The following SLC30A3 variants were observed in gnomAD, a reference collection of about 807,000 sequenced individuals.
The protein encoded by SLC30A3 is probable proton-coupled zinc antiporter SLC30A3.
In SLC30A3, 20 loss-of-function variants were observed where a neutral mutation model predicts 35.6. The observed-to-expected ratio is 0.56, with a 90% CI of 0.39 to 0.82. The LOEUF is 0.82. Ranked by LOEUF, SLC30A3 falls within the 40% of genes least tolerant of loss-of-function variation. The pLI is 0.00. For missense variants in SLC30A3, 401 were observed against 530.6 expected, an observed-to-expected ratio of 0.76 and a Z score of 2.40; for synonymous variants, 217 against 224.7, an observed-to-expected ratio of 0.97 and a Z score of 0.31.
At chr2:27,256,335 TG>T (rs777700583) in intron 7 of SLC30A3, 50 bp downstream of exon 7, 1 of 1,601,136 alleles carries the variant, frequency 6.2e-7, no homozygotes, top group Non-Finnish European at 8.6e-7. Context: ...GTCCCATGTT[TG>T]GGGTGGGGTA....
rs759076673 is a variant in SLC30A3 at position 27,257,292 on chromosome 2, C to T, written c.639G>A (p.Glu213=). Residue 213 remains glutamate, a synonymous_variant, in exon 5 of 8, where the codon GAG becomes GAA. Coordinates refer to ENST00000233535, the MANE Select transcript of SLC30A3 (RefSeq NM_003459.5). The surrounding 1 kb of genome is among the most constrained non-coding windows in gnomAD (Gnocchi z 4.7). ...PPHSHGSRGA[E]YAPLEEGPEE... is the part of the protein sequence containing the mutation. Reference sequence around the variant, plus strand: ...CAGGCCCCTCCTCCAGCGGTGCATACTCTGCTCCCCTAGACCCGTGGCTGT... The same window carrying T: ...CAGGCCCCTCCTCCAGCGGTGCATATTCTGCTCCCCTAGACCCGTGGCTGT... 2.5e-6 allele frequency: 4 copies of T among 1,613,856 alleles called. No individual in the cohort carries two copies. The highest frequency in any genetic ancestry group is 2.7e-5 in the African/African-American group (2 of 74,906).
chr2:27,257,796 G>T lies in SLC30A3; in HGVS notation c.578+109C>A. On this transcript the variant is annotated intron_variant, in intron 4 of 7. Transcript: ENST00000233535. This position sits in a 1 kb window ranked among gnomAD's most constrained non-coding sequence, Gnocchi z 4.7. ...CGCAGGGCAGCCCATGGAGAGCTGT[G>T]TGTGCGTGTCTGTGTGTCTGGTGGG... The T allele has an allele frequency of 9.0e-7, 1 of 1,109,374 alleles. No homozygotes were observed. Among genetic ancestry groups the T allele is most frequent in the Non-Finnish European group, 1.3e-6 (1 of 762,864 alleles). 68.7% of individuals were successfully genotyped at this position (1,109,374 alleles called of 1,614,324 possible). A position where few individuals can be genotyped will look rare whatever the true frequency, so the allele number is the denominator to read the frequency against.
At chr2:27,275,323 G>T (rs1312703919) in exon 1 of SLC30A3, 3 of 792,300 alleles carry the variant, frequency 3.8e-6, no homozygotes, top group Non-Finnish European at 5.7e-6. Flanking sequence ...CGCTGCCTTG[G>T]GCCGCAGGCC....
Position 27,268,298 on chromosome 2 carries a change from C to T in SLC30A3, c.-158-4216G>A, listed in dbSNP as rs189613650. On this transcript the variant is annotated intron_variant, in intron 1 of 5. Coordinates refer to the SLC30A3 transcript ENST00000424577. Reference sequence around the variant, plus strand: ...AGAGTTTGACCACTTATCATTGTATCCAAGGTACTAGGCATATATCAGTGC... The same window carrying T: ...AGAGTTTGACCACTTATCATTGTATTCAAGGTACTAGGCATATATCAGTGC... Among the ~76,000 whole-genome samples, 4 of 152,142 alleles carry T rather than the reference C, an allele frequency of 2.6e-5. No homozygotes were observed. In the East Asian group the frequency reaches 7.7e-4, roughly 29 times the overall value.
intron 1 of SLC30A3, among the ~76,000 whole-genome samples, chr2:27,270,756 T>TC (rs1677696890): frequency 6.6e-6 from 1 of 152,156 alleles, no homozygotes; most frequent in South Asian, 2.1e-4. Flanking sequence ...CAGTCTCCTT[T>TC]CTAGCTGAAA....
chr2:27,255,592 A>G lies in SLC30A3; in HGVS notation c.1019-132T>C. On this transcript the variant is annotated intron_variant, in intron 7 of 7. Coordinates refer to ENST00000233535, the MANE Select transcript of SLC30A3 (RefSeq NM_003459.5). The surrounding 1 kb of genome is among the most constrained non-coding windows in gnomAD (Gnocchi z 5.2). ...AATGGAAGCCTGCTTTTCTTTCTGT[A>G]TTGTATGAACAGCATAAAAGTGTCA... is the stretch of plus-strand genomic sequence containing the variant. 2 of 969,640 alleles carry G rather than the reference A, an allele frequency of 2.1e-6. No homozygotes were observed. The highest frequency in any genetic ancestry group is 3.1e-6 in the Non-Finnish European group (2 of 644,902). 60.1% of individuals were successfully genotyped at this position (969,640 alleles called of 1,614,324 possible).
In SLC30A3 at chr2:27,257,941, A is replaced by G. The variant is rs1249328878; in HGVS notation, c.542T>C (p.Leu181Pro). The change falls in exon 4 of 8, where the codon CTG becomes CCG. Residue 181 changes from leucine to proline, a missense_variant. Leu to Pro is a moderately conservative substitution (Grantham distance 98, BLOSUM62 -3). Transcript: ENST00000233535. This position sits in a 1 kb window ranked among gnomAD's most constrained non-coding sequence, Gnocchi z 4.7. ...ACAGACTGCGATGCTGGCGGTCAGC[A>G]GCATGGCACCCCCCTCGATGTGGTA... The part of the protein sequence containing the change: ...SDYHIEGGAM[L>P]LTASIAVCAN... 2 of 1,614,068 alleles carry G rather than the reference A, an allele frequency of 1.2e-6. No individual in the cohort carries two copies. The highest frequency in any genetic ancestry group is 1.3e-5 in the African/African-American group (1 of 74,936).
upstream of SLC30A3, chr2:27,263,109 G>A (rs931704855): frequency 2.1e-5 from 28 of 1,347,476 alleles, no homozygotes; most frequent in East Asian, 3.4e-4. Flanking sequence ...CGCGTGGGGC[G>A]AGCTCCCCAA....
chr2:27,256,339 G>A (rs1432068642), intron 7 of SLC30A3, 47 bp downstream of exon 7: 3 of 1,602,926 alleles, frequency 1.9e-6, no homozygotes, highest in Non-Finnish European at 2.6e-6. Context: ...CATGTTTGGG[G>A]TGGGGTATGT....
rs1158990524 is a variant in SLC30A3, at chr2:27,258,826, C to T, written c.204G>A (p.Glu68=). Residue 68 remains glutamate (E), a synonymous_variant, in exon 2 of 8, where the codon GAG becomes GAA. Transcript: ENST00000233535. The surrounding 1 kb of genome is among the most constrained non-coding windows in gnomAD (Gnocchi z 4.0). ...DPLPPPGLTP[E]RLHARRQLYA... ...ATAGCTGCCTCCGTGCATGCAGCCT[C>T]TCAGGGGTAAGGCCCGGCGGCGGAA... is the stretch of plus-strand genomic sequence containing the variant. The T allele has an allele frequency of 6.2e-7, 1 of 1,614,232 alleles. No homozygotes were observed. The highest frequency in any genetic ancestry group is 8.5e-7 in the Non-Finnish European group (1 of 1,180,030).
upstream of SLC30A3, chr2:27,263,115 C>T (rs1677313513): frequency 7.4e-7 from 1 of 1,349,894 alleles, no homozygotes; most frequent in African/African-American, 1.5e-5. Context: ...GGGCGAGCTC[C>T]CCAAGCTCCG....
chr2:27,270,214 G>A (rs1280704065), intron 1 of SLC30A3, among the ~76,000 whole-genome samples: 3 of 152,152 alleles, frequency 2.0e-5, no homozygotes, highest in African/African-American at 7.2e-5. Context: ...TAATAAGATT[G>A]CTTTCTATCT....
At chr2:27,273,128 C>A (rs1677803704) in intron 1 of SLC30A3, among the ~76,000 whole-genome samples, 1 of 146,224 alleles carries the variant, frequency 6.8e-6, no homozygotes, top group Non-Finnish European at 1.5e-5. Flanking sequence ...TGTGTATTTG[C>A]AGGCTGTTAT....
Position 27,258,960 on chromosome 2 carries a change from T to C in SLC30A3, c.96-26A>G, listed in dbSNP as rs373585965. The C allele has an allele frequency of 1.9e-6, 3 of 1,553,670 alleles. No homozygotes were observed. The highest frequency in any genetic ancestry group is 1.2e-5 in the South Asian group (1 of 81,006). The stretch of plus-strand genomic sequence containing the variant: ...CTGAGGCAAGCAACATGGTTCAACC[T>C]GGGCCTGGCCCACAGGCTGGCCTGC... On this transcript the variant is annotated intron_variant, in intron 1 of 7. Coordinates refer to ENST00000233535, the MANE Select transcript of SLC30A3 (RefSeq NM_003459.5). The surrounding 1 kb of genome is among the most constrained non-coding windows in gnomAD (Gnocchi z 4.0).
In SLC30A3 at chr2:27,255,698, T is replaced by G; in HGVS notation, c.1019-238A>C. On this transcript the variant is annotated intron_variant, in intron 7 of 7. Coordinates refer to ENST00000233535, the MANE Select transcript of SLC30A3 (RefSeq NM_003459.5). The surrounding 1 kb of genome is among the most constrained non-coding windows in gnomAD (Gnocchi z 5.2). ...TCCAGTCTCCTATTCTCTCCTGTCA[T>G]TAAGTGTCAACATACAGCTCAACAT... 1 of 530,122 alleles carries G rather than the reference T, an allele frequency of 1.9e-6. No homozygotes were observed. Among genetic ancestry groups the G allele is most frequent in the Non-Finnish European group, 3.4e-6 (1 of 297,080 alleles). 32.8% of individuals were successfully genotyped at this position (530,122 alleles called of 1,614,324 possible). A position where few individuals can be genotyped will look rare whatever the true frequency, so the allele number is the denominator to read the frequency against.
upstream of SLC30A3, among the ~76,000 whole-genome samples, chr2:27,266,102 CAG>C (rs1029504446): frequency 6.8e-6 from 1 of 147,846 alleles, no homozygotes; most frequent in Non-Finnish European, 1.5e-5. Context: ...CTCTGTTGCT[CAG>C]GCTGGAGTGC....
chr2:27,260,995 G>A (rs1416577123), intron 1 of SLC30A3, among the ~76,000 whole-genome samples: 2 of 152,196 alleles, frequency 1.3e-5, no homozygotes, highest in Non-Finnish European at 2.9e-5. Flanking sequence ...ACAGGTTGAT[G>A]CTAGGAGGGT....
chr2:27,270,234 G>A (rs570884849), intron 1 of SLC30A3, among the ~76,000 whole-genome samples: 2 of 152,274 alleles, frequency 1.3e-5, no homozygotes, highest in East Asian at 3.9e-4. Context: ...TACCCTGAGG[G>A]ATGAGATCAT....
chr2:27,273,620 CAG>C (rs1677833131), intron 1 of SLC30A3, among the ~76,000 whole-genome samples: 2 of 151,368 alleles, frequency 1.3e-5, no homozygotes, highest in Admixed American at 6.6e-5. Flanking sequence ...TCATCTGACC[CAG>C]AGACTATGGA....
Sources: allele counts gnomAD v4.1 joint callset (sites outside exome capture counted in the v4.1 genomes callset), GRCh38; gene constraint gnomAD v4.1.1; non-coding constraint Gnocchi (gnomAD v3.1); transcripts MANE v1.5; gene names NCBI Gene and HGNC (gene_info 2026-07-23, HGNC 2026-07-21).